TET1: variants seen among roughly 807,000 people sequenced by gnomAD.
TET1 encodes tet methylcytosine dioxygenase 1.
In TET1, 13 loss-of-function variants were observed where a neutral mutation model predicts 148.7. That is an observed-to-expected ratio of 0.09 (90% CI 0.06 to 0.14). TET1 has a LOEUF of 0.14. Among genes scored for constraint, TET1 ranks in the 10% least tolerant of loss-of-function variants. The probability of loss-of-function intolerance (pLI) is 1.00; values close to 1 mark genes in which losing one functional copy is unlikely to be tolerated. For missense variants in TET1, 2,182 were observed against 2,553.8 expected (o/e 0.85, Z 3.14); for synonymous variants, 907 against 937.2 (o/e 0.97, Z 0.59).
intron 3 of TET1, among the ~76,000 whole-genome samples, chr10:68,608,282 C>T (rs1220624878): frequency 6.6e-6 from 1 of 151,886 alleles, no homozygotes; most frequent in South Asian, 2.1e-4. Context: ...GTAGCCCAGG[C>T]TGGAGTGCAG....
intron 1 of TET1, among the ~76,000 whole-genome samples, chr10:68,567,775 T>C (rs909853557): frequency 2.9e-4 from 44 of 150,022 alleles, no homozygotes; most frequent in Admixed American, 2.4e-3. Flanking sequence ...AAAAAAATCA[T>C]AGAATCAAGA....
rs1360428003 is a variant in TET1 at position 68,673,709 on chromosome 10, G to A, written c.4824+664G>A. The stretch of plus-strand genomic sequence containing the variant: ...TTATATATTGATTAACTATAAGATT[G>A]ATATCTTTTAATCTTTGAGCAGTGA... On this transcript the variant is annotated intron_variant, in intron 8 of 11. Transcript: ENST00000373644. Among the ~76,000 whole-genome samples, 7 of 151,998 alleles carry A rather than the reference G, an allele frequency of 4.6e-5. No individual in the cohort carries two copies. The East Asian group carries it at 9.7e-4, about 21-fold the overall frequency.
At position 68,691,837 on chromosome 10, in the gene TET1, G is replaced by T; in HGVS notation, c.*23G>T. ...TGAAGGCTTTTCTCCCCCTCTTAAT[G>T]CCTTTGCTAGTGCAGTGTATTTTTT... On this transcript the variant is annotated 3_prime_UTR_variant, in exon 12 of 12. Coordinates refer to ENST00000373644, the MANE Select transcript of TET1 (RefSeq NM_030625.3). This position sits in a 1 kb window ranked among gnomAD's most constrained non-coding sequence, Gnocchi z 4.4. The T allele has an allele frequency of 6.3e-7, 1 of 1,584,264 alleles. No homozygotes were observed. Among genetic ancestry groups the T allele is most frequent in the Non-Finnish European group, 8.6e-7 (1 of 1,166,752 alleles).
In TET1 at chr10:68,617,006, C is replaced by CTTTTTT. The variant is rs71019039; in HGVS notation, c.1968+16005_1968+16010dup. On this transcript the variant is annotated intron_variant, in intron 3 of 11. Coordinates refer to ENST00000373644, the MANE Select transcript of TET1 (RefSeq NM_030625.3). ...ACAGGCATGAGCCACCGCGCCTGGC[C>CTTTTTT]TTTTTTTTTTTTTTTTTTTTTTTTT... 7.6e-4 allele frequency among the ~76,000 whole-genome samples: 30 copies of CTTTTTT among 39,614 alleles called. 6 individuals carry two copies. Among genetic ancestry groups the CTTTTTT allele is most frequent in the Non-Finnish European group, 1.2e-3 (27 of 22,018 alleles). 26.0% of individuals were successfully genotyped at this position (39,614 alleles called of 152,430 possible).
Position 68,617,887 on chromosome 10 carries a change from T to G in TET1, c.1968+16853T>G, listed in dbSNP as rs186802618. ...AACCCAAACATTTTATCTTGTACCA[T>G]GTTACCTTTACGTCATCTTGAATTT... On this transcript the variant is annotated intron_variant, in intron 3 of 11. Coordinates refer to ENST00000373644, the MANE Select transcript of TET1 (RefSeq NM_030625.3). 1.4e-3 allele frequency among the ~76,000 whole-genome samples: 208 copies of G among 152,202 alleles called. 1 individual carries two copies. The highest frequency in any genetic ancestry group is 4.7e-3 in the African/African-American group (194 of 41,564).
In TET1 at chr10:68,646,517, T is replaced by A. The variant is rs771441340; in HGVS notation, c.3788T>A (p.Leu1263His). Residue 1263 changes from leucine (L) to histidine (H), a missense_variant, in exon 4 of 12, where the codon CTC (leucine) becomes CAC (histidine). Leu to His is a moderately conservative substitution (Grantham distance 99). Coordinates refer to ENST00000373644, the MANE Select transcript of TET1 (RefSeq NM_030625.3). The part of the protein sequence containing the change: ...EKVKVEPLDS[L>H]SLFHLKTESN... The stretch of plus-strand genomic sequence containing the variant: ...GTGAAGGTTGAACCATTGGATTCAC[T>A]CAGCTTATTTCATCTTAAAACGGAA... 3.7e-6 allele frequency: 6 copies of A among 1,614,168 alleles called. No homozygotes were observed. In the Admixed American group the frequency reaches 1.0e-4, roughly 27 times the overall value.
At chr10:68,690,191 ATTAC>A (rs2055570396) in intron 11 of TET1, among the ~76,000 whole-genome samples, 1 of 152,240 alleles carries the variant, frequency 6.6e-6, no homozygotes, top group African/African-American at 2.4e-5. Context: ...ATTTAGTTGT[ATTAC>A]TTACTTCCTA....
At chr10:68,626,492 C>T (rs1212509209) in intron 3 of TET1, among the ~76,000 whole-genome samples, 3 of 151,770 alleles carry the variant, frequency 2.0e-5, no homozygotes, top group African/African-American at 4.8e-5. Flanking sequence ...TGAGCAACTG[C>T]ACCTGGCCTA....
rs375874842 is a variant in TET1 at position 68,574,262 on chromosome 10, C to T, written c.1914+10C>T. The T allele has an allele frequency of 3.5e-5, 56 of 1,605,808 alleles. No homozygotes were observed. Among genetic ancestry groups the T allele is most frequent in the Non-Finnish European group, 4.7e-5 (55 of 1,176,948 alleles). ...TGTTGTGCCTCTGGAGGTAAGCAAA[C>T]AGTCAAGGGGCTGGGAGACAGCTGA... On this transcript the variant is annotated intron_variant, in intron 2 of 11. Transcript: ENST00000373644.
chr10:68,607,581 C>T (rs1340455816), intron 3 of TET1, among the ~76,000 whole-genome samples: 5 of 151,534 alleles, frequency 3.3e-5, no homozygotes, highest in African/African-American at 4.8e-5. Context: ...CACAGGCACA[C>T]ACCACCATGC....
chr10:68,651,764 A>T, intron 4 of TET1, 82 bp from the exon 5 acceptor site: 1 of 999,608 alleles, frequency 1.0e-6, no homozygotes, highest in Non-Finnish European at 1.4e-6. Flanking sequence ...TTGAGGGGGA[A>T]CAAAAAGTAT....
intron 3 of TET1, among the ~76,000 whole-genome samples, chr10:68,630,113 C>T (rs1362579171): frequency 1.3e-5 from 2 of 152,162 alleles, no homozygotes; most frequent in East Asian, 3.9e-4. Flanking sequence ...GACAGTGAGG[C>T]AGAAGGAGTA....
intron 2 of TET1, among the ~76,000 whole-genome samples, chr10:68,592,201 A>G (rs1250813140): frequency 6.6e-6 from 1 of 151,892 alleles, no homozygotes; most frequent in Non-Finnish European, 1.5e-5. Context: ...CTGTAATCCC[A>G]GCTACTCGGG....
chr10:68,594,926 C>T lies in TET1; in HGVS notation c.1915-6055C>T, dbSNP rs532170820. On this transcript the variant is annotated intron_variant, in intron 2 of 11. Coordinates refer to ENST00000373644, the MANE Select transcript of TET1 (RefSeq NM_030625.3). ...CCCGGGAGGCGGAGGTTGCAGTGAG[C>T]AGAGATCTCGCCATTGCACTCCAGC... is the stretch of plus-strand genomic sequence containing the variant. 2.0e-5 allele frequency among the ~76,000 whole-genome samples: 3 copies of T among 146,592 alleles called. No homozygotes were observed. The East Asian group carries it at 6.0e-4, about 29-fold the overall frequency.
At chr10:68,682,093 CTTTTTTTTTTTTT>C (rs386371716) in intron 9 of TET1, among the ~76,000 whole-genome samples, 2 of 67,052 alleles carry the variant, frequency 3.0e-5, no homozygotes, top group Non-Finnish European at 5.1e-5. Flanking sequence ...TTGATCTACT[CTTTTTTTTTTTTT>C]TTTTTTTTTT....
At chr10:68,605,034 A>G (rs186324884) in intron 3 of TET1, among the ~76,000 whole-genome samples, 30 of 152,344 alleles carry the variant, frequency 2.0e-4, no homozygotes, top group African/African-American at 7.0e-4. Context: ...GTGAACAAAT[A>G]TAAAGAAATG....
intron 7 of TET1, among the ~76,000 whole-genome samples, chr10:68,670,364 T>C (rs528863811): frequency 1.3e-5 from 2 of 152,338 alleles, no homozygotes; most frequent in Admixed American, 1.3e-4. Flanking sequence ...GCTAATTCTA[T>C]AGACTGTTAA....
chr10:68,661,234 G>A (rs1445600151), intron 6 of TET1, among the ~76,000 whole-genome samples: 1 of 104,932 alleles, frequency 9.5e-6, no homozygotes, highest in South Asian at 3.3e-4. Flanking sequence ...AGTTTTAGTA[G>A]AGACGGGGTT....
At chr10:68,676,256 ATATATATATATATTT>A (rs2055354013) in intron 8 of TET1, among the ~76,000 whole-genome samples, 2 of 40,380 alleles carry the variant, frequency 5.0e-5, no homozygotes, top group African/African-American at 1.3e-4. Context: ...ATATATATAT[ATATATATATATATTT>A]TTTTTTTTTT....
Sources: gnomAD v4.1 joint callset for allele counts (sites outside exome capture counted in the v4.1 genomes callset) on GRCh38, gnomAD v4.1.1 for gene constraint, Gnocchi (gnomAD v3.1) non-coding constraint, MANE v1.5 for transcripts, NCBI Gene and HGNC (gene_info 2026-07-23, HGNC 2026-07-21) for gene names.